The following VPS16 variants were observed in gnomAD, a reference collection of about 807,000 sequenced individuals.
VPS16 encodes VPS16 core subunit of CORVET and HOPS complexes.
A neutral mutation model predicts 116.0 loss-of-function variants in VPS16; 82 were observed. The ratio of observed to expected loss-of-function variants is 0.71; its 90% CI spans 0.59 to 0.85. VPS16 has a LOEUF of 0.85. VPS16 is among the 40% of genes least tolerant of loss of function. The probability of loss-of-function intolerance (pLI) is 0.00; values close to 1 mark genes in which losing one functional copy is unlikely to be tolerated. For synonymous variants in VPS16, 406 were observed against 420.7 expected (o/e 0.96, Z 0.43); for missense variants, 928 against 1,090.6 (o/e 0.85, Z 2.10).
intron 1 of VPS16, among the ~76,000 whole-genome samples, chr20:2,847,725 T>G (rs2089075469): frequency 6.6e-6 from 1 of 151,848 alleles, no homozygotes; most frequent in Non-Finnish European, 1.5e-5. Flanking sequence ...GATCCGCCTG[T>G]CTCGGCCTCC....
chr20:2,845,389 G>A (rs2089048319), intron 1 of VPS16, among the ~76,000 whole-genome samples: 1 of 152,064 alleles, frequency 6.6e-6, no homozygotes, highest in African/African-American at 2.4e-5. Flanking sequence ...GTACTAAGAA[G>A]CATCTTATGG....
chr20:2,862,867 T>A lies in VPS16; in HGVS notation c.1264T>A (p.Cys422Ser), dbSNP rs955139785. 16 of 1,614,020 alleles carry A rather than the reference T, an allele frequency of 9.9e-6. No individual in the cohort carries two copies. The highest frequency in any genetic ancestry group is 1.4e-5 in the Non-Finnish European group (16 of 1,180,024). The change falls in exon 13 of 24, where the codon TGT becomes AGT. Residue 422 changes from cysteine (C) to serine (S), a missense_variant. Transcript: ENST00000380445. The part of the protein sequence containing the change: ...RFPPDSFVHM[C>S]QDLRVLNAVR... ...TCCACCCGACAGCTTCGTGCACATG[T>A]GTCAGGACCTGCGTGTGCTCAATGC...
Position 2,864,833 on chromosome 20 carries a change from C to G in VPS16, c.1927-145C>G. ...AGTGTCAGAGGAGCTAGCCATCCCT[C>G]TAGGACATCAGAGTGGTGCACCTAG... On this transcript the variant is annotated intron_variant, in intron 19 of 23. Transcript: ENST00000380445. The surrounding 1 kb of genome is among the most constrained non-coding windows in gnomAD (Gnocchi z 5.2). 3 of 1,216,930 alleles carry G rather than the reference C, an allele frequency of 2.5e-6. No homozygotes were observed. Among genetic ancestry groups the G allele is most frequent in the Non-Finnish European group, 3.5e-6 (3 of 849,034 alleles). The allele number at this position is 1,216,930 out of a possible 1,614,324, so 75.4% of individuals were successfully genotyped here. A position where few individuals can be genotyped will look rare whatever the true frequency, so the allele number is the denominator to read the frequency against.
chr20:2,860,295 T>C lies in VPS16; in HGVS notation c.297T>C (p.Cys99=). 1 of 1,614,068 alleles carries C rather than the reference T, an allele frequency of 6.2e-7. No individual in the cohort carries two copies. The highest frequency in any genetic ancestry group is 8.5e-7 in the Non-Finnish European group (1 of 1,180,000). Reference sequence around the variant, plus strand: ...GGTCAGCTGAGGAGGAGCTGCTCTGTGTGCAGGAAGATGGTGCTGTACTGG... The same window carrying C: ...GGTCAGCTGAGGAGGAGCTGCTCTGCGTGCAGGAAGATGGTGCTGTACTGG... The part of the protein sequence containing the change: ...LGWSAEEELL[C]VQEDGAVLVY... The change falls in exon 4 of 24, where the codon TGT becomes TGC. Residue 99 remains cysteine, a synonymous_variant. Transcript: ENST00000380445. This position sits in a 1 kb window ranked among gnomAD's most constrained non-coding sequence, Gnocchi z 6.1.
intron 1 of VPS16, among the ~76,000 whole-genome samples, chr20:2,858,138 A>G (rs1244669312): frequency 6.6e-6 from 1 of 150,788 alleles, no homozygotes; most frequent in African/African-American, 2.4e-5. Flanking sequence ...TTTGTCACCC[A>G]GGCTGGAGTG....
At chr20:2,843,068 A>G (rs2089024912) in intron 1 of VPS16, among the ~76,000 whole-genome samples, 1 of 152,172 alleles carries the variant, frequency 6.6e-6, no homozygotes, top group African/African-American at 2.4e-5. Flanking sequence ...TCCTAGATGG[A>G]CAAGTGCCCT....
chr20:2,861,569 A>G (rs2089227851), intron 8 of VPS16, 46 bp from the exon 9 acceptor site: 1 of 1,562,018 alleles, frequency 6.4e-7, no homozygotes, highest in Non-Finnish European at 8.7e-7. Context: ...TGTGGGAGAC[A>G]TGGCCATGGG....
Position 2,861,664 on chromosome 20 carries a change from A to G in VPS16, c.859A>G (p.Arg287Gly). Residue 287 changes from arginine (R) to glycine (G), a missense_variant, in exon 9 of 24, where the codon AGG becomes GGG. Coordinates refer to ENST00000380445, the MANE Select transcript of VPS16 (RefSeq NM_022575.4). Reference sequence around the variant, plus strand: ...GAGGGCCGTGGTGGTGGCCTGGGAAAGGCGGCTGATGGTGGTGGGCGATGC... The same window carrying G: ...GAGGGCCGTGGTGGTGGCCTGGGAAGGGCGGCTGATGGTGGTGGGCGATGC... ...KERAVVVAWE[R>G]RLMVVGDAPE... The G allele has an allele frequency of 6.2e-7, 1 of 1,613,282 alleles. No homozygotes were observed. Among genetic ancestry groups the G allele is most frequent in the Non-Finnish European group, 8.5e-7 (1 of 1,179,878 alleles).
Position 2,859,707 on chromosome 20 carries a change from C to A in VPS16, c.54-12C>A, listed in dbSNP as rs1015511995. ...TAATGAGGCTAATTTCTGCTCATCT[C>A]TGTGTGGGCAGGAAATATGAGCTGT... On this transcript the variant is annotated splice_polypyrimidine_tract_variant and intron_variant, in intron 1 of 23. Transcript: ENST00000380445. 3 of 1,612,868 alleles carry A rather than the reference C, an allele frequency of 1.9e-6. No individual in the cohort carries two copies. The highest frequency in any genetic ancestry group is 1.7e-5 in the Admixed American group (1 of 59,680).
rs1437818753 is a variant in VPS16, at chr20:2,866,718, A to T, written c.*144A>T. On this transcript the variant is annotated 3_prime_UTR_variant, in exon 24 of 24. Transcript: ENST00000380445. ...AGCAGGGCTGTCTGGTTTTAAATAAAGTTGGAACACTTCACAGTGCTTGTC... is the reference window on the plus strand; with the variant it reads ...AGCAGGGCTGTCTGGTTTTAAATAATGTTGGAACACTTCACAGTGCTTGTC... The T allele has an allele frequency of 8.8e-6, 11 of 1,253,122 alleles. No homozygotes were observed. The highest frequency in any genetic ancestry group is 1.2e-5 in the Non-Finnish European group (11 of 908,984). The allele number at this position is 1,253,122 out of a possible 1,614,324, so 77.6% of individuals were successfully genotyped here.
At chr20:2,856,540 G>A (rs1476414260) in intron 1 of VPS16, among the ~76,000 whole-genome samples, 1 of 152,216 alleles carries the variant, frequency 6.6e-6, no homozygotes, top group Non-Finnish European at 1.5e-5. Flanking sequence ...ATGTATGCTT[G>A]TAGTATAAAA....
In VPS16 at chr20:2,864,725, G is replaced by A. The variant is rs975104561; in HGVS notation, c.1926+71G>A. ...GGGGCTGTTGGTCCGGTTCCTTCAG[G>A]AATCTAGGCCTTCGTGTTGGGTGCA... On this transcript the variant is annotated intron_variant, in intron 19 of 23. Coordinates refer to ENST00000380445, the MANE Select transcript of VPS16 (RefSeq NM_022575.4). The surrounding 1 kb of genome is among the most constrained non-coding windows in gnomAD (Gnocchi z 5.2). 30 of 1,513,800 alleles carry A rather than the reference G, an allele frequency of 2.0e-5. No individual in the cohort carries two copies. Among genetic ancestry groups the A allele is most frequent in the Non-Finnish European group, 2.6e-5 (28 of 1,097,820 alleles). 93.8% of individuals were successfully genotyped at this position (1,513,800 alleles called of 1,614,324 possible).
intron 1 of VPS16, among the ~76,000 whole-genome samples, chr20:2,844,589 A>G (rs577514723): frequency 1.2e-4 from 19 of 152,358 alleles, no homozygotes; most frequent in African/African-American, 4.6e-4. Flanking sequence ...GAGACAGTTG[A>G]TAATCACTCA....
rs780498718 is a variant in VPS16, at chr20:2,862,911, C to T, written c.1308C>T (p.Ile436=). The T allele has an allele frequency of 6.2e-6, 10 of 1,614,046 alleles. No homozygotes were observed. The highest frequency in any genetic ancestry group is 1.6e-4 in the Middle Eastern group (1 of 6,062). Residue 436 remains isoleucine (I), a synonymous_variant, in exon 13 of 24, where the codon ATC becomes ATT. Coordinates refer to ENST00000380445, the MANE Select transcript of VPS16 (RefSeq NM_022575.4). ...TCAATGCTGTTCGGGACTATCACAT[C>T]GGGATCCCGCTCACCTATAGCCAGT... ...RVLNAVRDYH[I]GIPLTYSQYK... is the part of the protein sequence containing the mutation.
intron 1 of VPS16, among the ~76,000 whole-genome samples, chr20:2,849,805 CAT>C (rs2089099920): frequency 2.0e-5 from 3 of 152,190 alleles, no homozygotes; most frequent in Non-Finnish European, 4.4e-5. Flanking sequence ...TCCTACAGCA[CAT>C]GTTTCAGTTA....
In VPS16 at chr20:2,866,696, A is replaced by C. The variant is rs1419712605; in HGVS notation, c.*122A>C. The C allele has an allele frequency of 2.8e-6, 4 of 1,427,108 alleles. No individual in the cohort carries two copies. Among genetic ancestry groups the C allele is most frequent in the Non-Finnish European group, 3.8e-6 (4 of 1,052,268 alleles). The allele number at this position is 1,427,108 out of a possible 1,614,324, so 88.4% of individuals were successfully genotyped here. On this transcript the variant is annotated 3_prime_UTR_variant, in exon 24 of 24. Coordinates refer to ENST00000380445, the MANE Select transcript of VPS16 (RefSeq NM_022575.4). Reference sequence around the variant, plus strand: ...TGCTGAGGAGCGGGGGCATGGTAGCAGGGCTGTCTGGTTTTAAATAAAGTT... The same window carrying C: ...TGCTGAGGAGCGGGGGCATGGTAGCCGGGCTGTCTGGTTTTAAATAAAGTT...
intron 1 of VPS16, among the ~76,000 whole-genome samples, chr20:2,859,374 G>A (rs534608420): frequency 6.6e-6 from 1 of 152,348 alleles, no homozygotes; most frequent in East Asian, 1.9e-4. Context: ...AAGCTGGCCT[G>A]AGCCAGCCAC....
rs1332540203 is a variant in VPS16, at chr20:2,863,693, C to CAG, written c.1477-253_1477-252dup. On this transcript the variant is annotated intron_variant, in intron 15 of 23. Coordinates refer to ENST00000380445, the MANE Select transcript of VPS16 (RefSeq NM_022575.4). This position sits in a 1 kb window ranked among gnomAD's most constrained non-coding sequence, Gnocchi z 4.4. ...AGGAGAATTGCTTTCACCTGGGAGG[C>CAG]AGAGGTTGCAGTGAGCTGAGATTGC... 1.3e-5 allele frequency among the ~76,000 whole-genome samples: 2 copies of CAG among 152,002 alleles called. No homozygotes were observed. The highest frequency in any genetic ancestry group is 2.9e-5 in the Non-Finnish European group (2 of 68,014).
At chr20:2,850,183 C>T (rs527339211) in intron 1 of VPS16, among the ~76,000 whole-genome samples, 2 of 152,156 alleles carry the variant, frequency 1.3e-5, no homozygotes, top group Non-Finnish European at 2.9e-5. Flanking sequence ...ATTAGCCAGG[C>T]GTGGTGGCAG....
Sources: allele counts gnomAD v4.1 joint callset (sites outside exome capture counted in the v4.1 genomes callset), GRCh38; gene constraint gnomAD v4.1.1; non-coding constraint Gnocchi (gnomAD v3.1); transcripts MANE v1.5; gene names NCBI Gene and HGNC (gene_info 2026-07-23, HGNC 2026-07-21).